The following FATE1 variants were observed in gnomAD, a reference collection of about 807,000 sequenced individuals.
FATE1 encodes fetal and adult testis expressed 1, also known as fetal and adult testis-expressed transcript protein.
A neutral mutation model predicts 16.0 loss-of-function variants in FATE1; 18 were observed. That is an observed-to-expected ratio of 1.12 (90% CI 0.78 to 1.66). The LOEUF is 1.66. FATE1 is among the 40% of genes most tolerant of loss of function. The probability of loss-of-function intolerance (pLI) is 0.00; values close to 1 mark genes in which losing one functional copy is unlikely to be tolerated. For synonymous variants in FATE1, 76 were observed against 56.9 expected (o/e 1.34, Z -1.51); for missense variants, 169 against 152.7 (o/e 1.11, Z -0.56).
chrX:151,720,732 C>A (rs989898677), intron 2 of FATE1, among the ~76,000 whole-genome samples: 1 of 112,034 alleles, frequency 8.9e-6, no homozygotes, highest in African/African-American at 3.2e-5. Flanking sequence ...TGAAACATTT[C>A]ATCTTGAACT....
At chrX:151,717,465 C>G (rs992373349) in intron 2 of FATE1, 66 bp downstream of exon 2, 1 of 1,105,385 alleles carries the variant, frequency 9.0e-7, no homozygotes. Context: ...TGTAGGGGCT[C>G]TAGCCTGACC....
Position 151,722,673 on chromosome X carries a change from G to T in FATE1, c.466G>T (p.Ala156Ser). ...TCTGCGCGCCCTGGAGGAACAGGGC[G>T]CCACCTGGCGCCACAGGGAGACCCT... ...RRLRALEEQG[A>S]TWRHRETLII... The change falls in exon 5 of 5, where the codon GCC becomes TCC. Residue 156 changes from alanine (A) to serine (S), a missense_variant. By Grantham distance (99) the Ala-to-Ser change is moderately conservative. Transcript: ENST00000370350. 1 of 1,211,809 alleles carries T rather than the reference G, an allele frequency of 8.3e-7. No homozygotes were observed. The highest frequency in any genetic ancestry group is 1.1e-6 in the Non-Finnish European group (1 of 895,275).
intron 1 of FATE1, among the ~76,000 whole-genome samples, chrX:151,717,071 C>G (rs931245758): frequency 4.5e-5 from 5 of 111,556 alleles, no homozygotes; most frequent in African/African-American, 1.6e-4. Context: ...GTCTCGAGCT[C>G]AGCCCTCAGG....
chrX:151,717,447 G>C (rs2015071267), intron 2 of FATE1, 48 bp downstream of exon 2: 6 of 1,161,933 alleles, frequency 5.2e-6, no homozygotes, highest in African/African-American at 1.8e-5. Context: ...GGGGTTGGGA[G>C]TACTGGTTGT....
At chrX:151,722,473 C>T (rs1012734495) in intron 4 of FATE1, among the ~76,000 whole-genome samples, 155 bp from the exon 5 acceptor site, 4 of 112,977 alleles carry the variant, frequency 3.5e-5, no homozygotes, top group African/African-American at 9.6e-5. Flanking sequence ...CGGACCTGGC[C>T]CAGCCTCCTG....
chrX:151,721,456 A>C lies in FATE1; in HGVS notation c.296A>C (p.Gln99Pro), dbSNP rs762366091. 1 of 1,211,123 alleles carries C rather than the reference A, an allele frequency of 8.3e-7. No homozygotes were observed. Among genetic ancestry groups the C allele is most frequent in the Non-Finnish European group, 1.1e-6 (1 of 895,358 alleles). Reference sequence around the variant, plus strand: ...TCAGGCCATGGGGATGCCCATCTCCAGGAGTACGCTGGCAATTTCCAAGGC... The same window carrying C: ...TCAGGCCATGGGGATGCCCATCTCCCGGAGTACGCTGGCAATTTCCAAGGC... ...RESGHGDAHL[Q>P]EYAGNFQGIR... Residue 99 changes from glutamine (Q) to proline (P), a missense_variant, in exon 3 of 5, where the codon CAG becomes CCG. Physicochemically the swap from Gln to Pro is moderately conservative, Grantham distance 76. Transcript: ENST00000370350.
rs1390710129 is a variant in FATE1 at position 151,721,490 on chromosome X, C to T, written c.330C>T (p.Phe110=). Residue 110 remains phenylalanine (F), a synonymous_variant, in exon 3 of 5, where the codon TTC becomes TTT. Coordinates refer to ENST00000370350, the MANE Select transcript of FATE1 (RefSeq NM_033085.3). Reference sequence around the variant, plus strand: ...CTGGCAATTTCCAAGGCATACGTTTCCATTATGATCGGTAAGAGCTGAGGG... The same window carrying T: ...CTGGCAATTTCCAAGGCATACGTTTTCATTATGATCGGTAAGAGCTGAGGG... ...EYAGNFQGIR[F]HYDRNPGTDA... is the part of the protein sequence containing the mutation. 6 of 1,208,917 alleles carry T rather than the reference C, an allele frequency of 5.0e-6. No homozygotes were observed. The highest frequency in any genetic ancestry group is 4.5e-6 in the Non-Finnish European group (4 of 892,661).
intron 2 of FATE1, among the ~76,000 whole-genome samples, chrX:151,719,752 A>C (rs1185341707): frequency 8.9e-6 from 1 of 112,705 alleles, no homozygotes; most frequent in East Asian, 2.8e-4. Context: ...AACAGAGTGC[A>C]GTGGCAAAGT....
At chrX:151,718,465 A>AAT (rs1191319129) in intron 2 of FATE1, among the ~76,000 whole-genome samples, 1 of 112,254 alleles carries the variant, frequency 8.9e-6, no homozygotes, top group Non-Finnish European at 1.9e-5. Context: ...TTCTGTATCC[A>AAT]ATCATTTTAG....
chrX:151,716,103 G>A lies in FATE1; in HGVS notation c.-17G>A. The A allele has an allele frequency of 8.6e-7, 1 of 1,156,186 alleles. No individual in the cohort carries two copies. Among genetic ancestry groups the A allele is most frequent in the Non-Finnish European group, 1.2e-6 (1 of 864,107 alleles). On this transcript the variant is annotated 5_prime_UTR_variant, in exon 1 of 5. Transcript: ENST00000370350. ...GTGCATCCTTAGCCATAGCTTACAA[G>A]AGAACAGCTGGTTGTGATGGCAGGA...
chrX:151,719,132 T>C (rs1658575084), intron 2 of FATE1, among the ~76,000 whole-genome samples: 1 of 112,011 alleles, frequency 8.9e-6, no homozygotes, highest in African/African-American at 3.2e-5. Context: ...TTTGAAAATA[T>C]AGACATTATA....
At chrX:151,719,448 C>T (rs1417022763) in intron 2 of FATE1, among the ~76,000 whole-genome samples, 1 of 112,012 alleles carries the variant, frequency 8.9e-6, no homozygotes, top group East Asian at 2.8e-4. Flanking sequence ...CAAACAAATT[C>T]CAGCCATCAG....
chrX:151,722,648 T>A lies in FATE1; in HGVS notation c.441T>A (p.Arg147=). The A allele has an allele frequency of 8.2e-7, 1 of 1,212,345 alleles. No homozygotes were observed. Among genetic ancestry groups the A allele is most frequent in the Non-Finnish European group, 1.1e-6 (1 of 895,570 alleles). ...MRRQLYAVNR[R]LRALEEQGAT... The stretch of plus-strand genomic sequence containing the variant: ...TGCAGCTGTATGCAGTCAACCGGCG[T>A]CTGCGCGCCCTGGAGGAACAGGGCG... The change falls in exon 5 of 5, where the codon CGT becomes CGA. Residue 147 remains arginine (R), a synonymous_variant. Coordinates refer to ENST00000370350, the MANE Select transcript of FATE1 (RefSeq NM_033085.3).
At chrX:151,716,307 A>T (rs771373820) in intron 1 of FATE1, 82 bp downstream of exon 1, 2 of 856,099 alleles carry the variant, frequency 2.3e-6, no homozygotes, top group African/African-American at 4.0e-5. Flanking sequence ...GTGTTGGAAA[A>T]GGTGCATGTG....
intron 3 of FATE1, 92 bp from the exon 4 acceptor site, chrX:151,721,811 T>A (rs2015118642): frequency 1.3e-6 from 1 of 795,104 alleles, no homozygotes; most frequent in Non-Finnish European, 1.9e-6. Context: ...TCCAAGAAGA[T>A]CACGACCTTA....
intron 2 of FATE1, 136 bp downstream of exon 2, chrX:151,717,535 G>T: frequency 1.4e-6 from 1 of 723,590 alleles, no homozygotes; most frequent in Non-Finnish European, 2.0e-6. Context: ...GCTCCAAGCT[G>T]GCAAATGAGG....
chrX:151,722,298 C>T (rs964562243), intron 4 of FATE1, among the ~76,000 whole-genome samples: 2 of 112,103 alleles, frequency 1.8e-5, no homozygotes, highest in African/African-American at 3.2e-5. Context: ...AGAGAGGGGT[C>T]GCCTTTGTTC....
In FATE1 at chrX:151,716,183, C is replaced by A. The variant is rs147879520; in HGVS notation, c.64C>A (p.His22Asn). 1 of 1,166,396 alleles carries A rather than the reference C, an allele frequency of 8.6e-7. No homozygotes were observed. Among genetic ancestry groups the A allele is most frequent in the African/African-American group, 1.8e-5 (1 of 55,788 alleles). The stretch of plus-strand genomic sequence containing the variant: ...AATGTCCCTGGCAGAAGAACTGAAT[C>A]ATGGACGCCAAGGGGAAAACCAAGA... Reference protein sequence around the residue: ...MEMSLAEELNHGRQGENQEHL... With the variant: ...MEMSLAEELNNGRQGENQEHL... The change falls in exon 1 of 5, where the codon CAT becomes AAT. Residue 22 changes from histidine (H) to asparagine (N), a missense_variant. Physicochemically the swap from His to Asn is moderately conservative, Grantham distance 68. Transcript: ENST00000370350.
chrX:151,720,388 A>G (rs873157), intron 2 of FATE1, among the ~76,000 whole-genome samples: 14,152 of 111,216 alleles, frequency 0.13, 812 homozygotes, highest in Non-Finnish European at 0.18. Flanking sequence ...CTTCTGTCTT[A>G]TGGGTTTGTA....
Sources: gnomAD v4.1 joint callset for allele counts (sites outside exome capture counted in the v4.1 genomes callset) on GRCh38, gnomAD v4.1.1 for gene constraint, MANE v1.5 for transcripts, NCBI Gene and HGNC (gene_info 2026-07-23, HGNC 2026-07-21) for gene names.